The following LMF1 variants were observed in gnomAD, a reference collection of about 807,000 sequenced individuals.
LMF1 encodes transmembrane protein 112.
LMF1 carries 68 observed loss-of-function variants against 60.6 expected under a neutral mutation model. The observed-to-expected ratio is 1.12, with a 90% CI of 0.92 to 1.37. LMF1 has a LOEUF of 1.37. LMF1 is among the 40% of genes most tolerant of loss of function. The pLI is 0.00. For missense variants in LMF1, 948 were observed against 767.2 expected (o/e 1.24, Z -2.78); for synonymous variants, 418 against 324.7 (o/e 1.29, Z -3.09).
In LMF1 at chr16:854,489, G is replaced by A. The variant is rs745324578; in HGVS notation, c.*43C>T. 2.6e-6 allele frequency: 4 copies of A among 1,567,652 alleles called. No homozygotes were observed. The highest frequency in any genetic ancestry group is 2.3e-5 in the South Asian group (2 of 86,548). ...CGCAGGGAAGGGCAAACGTTGCTGA[G>A]CCGCCGAGGGGCTGGGTCTTCGCCT... On this transcript the variant is annotated 3_prime_UTR_variant, in exon 11 of 11. Transcript: ENST00000262301.
At chr16:953,401 C>A (rs366644) in intron 2 of LMF1, among the ~76,000 whole-genome samples, 13 of 26,974 alleles carry the variant, frequency 4.8e-4, no homozygotes, top group African/African-American at 1.5e-3. Context: ...ACACAGACAC[C>A]CACCCCAAAC....
At chr16:869,405 C>G (rs2151698726) in intron 9 of LMF1, 1 of 572,160 alleles carries the variant, frequency 1.7e-6, no homozygotes, top group Non-Finnish European at 3.3e-6. Context: ...TCCATGGGTG[C>G]CTCTGCTACC....
Position 879,657 on chromosome 16 carries a change from G to T in LMF1, c.810C>A (p.Asn270Lys). Residue 270 changes from asparagine (N) to lysine (K), a missense_variant, in exon 6 of 11, where the codon AAC (asparagine) becomes AAA (lysine). Transcript: ENST00000262301. ...WWFHRFETLS[N>K]HFIELLVPFF... ...AGGGCACCAGGAGCTCGATGAAGTG[G>T]TTGCTGAGCGTCTCGAAGCGATGGA... 6.2e-7 allele frequency: 1 copy of T among 1,612,648 alleles called. No individual in the cohort carries two copies. The highest frequency in any genetic ancestry group is 8.5e-7 in the Non-Finnish European group (1 of 1,179,452).
chr16:871,515 A>AAACC, intron 6 of LMF1, 174 bp from the exon 7 acceptor site: 1 of 645,028 alleles, frequency 1.6e-6, no homozygotes, highest in South Asian at 2.0e-5. Flanking sequence ...CATGGAGGGG[A>AAACC]CAGCAGATGC....
chr16:918,836 A>AACCCGACTCTCACGCGGGGCCGGTG (rs1567237661), intron 3 of LMF1, among the ~76,000 whole-genome samples: 42 of 136,244 alleles, frequency 3.1e-4, no homozygotes, highest in African/African-American at 1.0e-3. Flanking sequence ...CGGGGCCGGC[A>AACCCGACTCTCACGCGGGGCCGGTG]TCCCGGGGCG....
intron 2 of LMF1, among the ~76,000 whole-genome samples, chr16:940,879 T>C (rs1006548854): frequency 1.3e-5 from 2 of 152,246 alleles, no homozygotes; most frequent in Admixed American, 1.3e-4. Flanking sequence ...CTTTCAATTA[T>C]TGAAAGAGTG....
chr16:946,778 C>A (rs905636621), intron 2 of LMF1, among the ~76,000 whole-genome samples: 18 of 152,222 alleles, frequency 1.2e-4, no homozygotes, highest in Non-Finnish European at 1.5e-4. Context: ...AGGGACCTCA[C>A]GTGCCCTGGT....
intron 2 of LMF1, among the ~76,000 whole-genome samples, chr16:948,728 T>TCAGAGCCAACGACAGAGTCAGAGAC (rs1376466921): frequency 9.0e-5 from 6 of 66,488 alleles, no homozygotes; most frequent in African/African-American, 2.4e-4. Flanking sequence ...AGTCAGCCAA[T>TCAGAGCCAACGACAGAGTCAGAGAC]GACAGAGTCA....
intron 4 of LMF1, chr16:899,292 C>G (rs2070745453): frequency 6.6e-6 from 1 of 152,254 alleles, no homozygotes; most frequent in African/African-American, 2.4e-5. Flanking sequence ...GGCCAGAGAT[C>G]AGGATGCCAT....
chr16:963,230 G>A (rs902760609), intron 1 of LMF1, among the ~76,000 whole-genome samples: 1 of 152,100 alleles, frequency 6.6e-6, no homozygotes, highest in Non-Finnish European at 1.5e-5. Context: ...TCCACCACTG[G>A]GTGGAAGGGA....
chr16:917,392 C>T (rs9934394), intron 3 of LMF1, among the ~76,000 whole-genome samples: 3 of 133,970 alleles, frequency 2.2e-5, no homozygotes, highest in Admixed American at 7.3e-5. Context: ...GCGCTGCGGG[C>T]GGGCGCAGGC....
chr16:965,015 C>T (rs1597087450), intron 1 of LMF1, among the ~76,000 whole-genome samples: 1 of 152,242 alleles, frequency 6.6e-6, no homozygotes. Flanking sequence ...CCCTAGAGGT[C>T]GGATTTTCAA....
chr16:928,716 G>A (rs1398274589), intron 3 of LMF1, among the ~76,000 whole-genome samples: 3 of 125,030 alleles, frequency 2.4e-5, no homozygotes, highest in Admixed American at 7.9e-5. Flanking sequence ...ACATCCCCAC[G>A]GGCCCACCCC....
chr16:870,364 C>T (rs2069746288), intron 8 of LMF1, among the ~76,000 whole-genome samples: 1 of 152,216 alleles, frequency 6.6e-6, no homozygotes, highest in Non-Finnish European at 1.5e-5. Context: ...GGACAGAGGC[C>T]AAGGGGCTGG....
At chr16:916,070 G>A (rs898961237) in intron 3 of LMF1, among the ~76,000 whole-genome samples, 2 of 152,192 alleles carry the variant, frequency 1.3e-5, no homozygotes, top group African/African-American at 4.8e-5. Flanking sequence ...GGGCCAGTGG[G>A]TTGTGGGCTG....
intron 1 of LMF1, 42 bp downstream of exon 1, chr16:970,746 G>A (rs1250454036): frequency 4.7e-6 from 7 of 1,482,792 alleles, no homozygotes; most frequent in Non-Finnish European, 4.5e-6. Context: ...GTGGTGCGCG[G>A]AGGTGACACT....
rs184334920 is a variant in LMF1 at position 888,959 on chromosome 16, G to A, written c.729+4048C>T. Among the ~76,000 whole-genome samples the A allele has an allele frequency of 3.4e-3, 512 of 152,308 alleles. 5 individuals are homozygous for A. Among genetic ancestry groups the A allele is most frequent in the Middle Eastern group, 0.01 (3 of 294 alleles). On this transcript the variant is annotated intron_variant, in intron 5 of 10. Transcript: ENST00000262301. ...TGCTGCGCTGGCCCTGGGATCCTGG[G>A]GGTCCTCACAACGGTGCTGAGGACA... is the stretch of plus-strand genomic sequence containing the variant.
chr16:969,328 A>T (rs1239744639), intron 1 of LMF1, among the ~76,000 whole-genome samples: 8 of 152,062 alleles, frequency 5.3e-5, no homozygotes, highest in Admixed American at 6.5e-5. Flanking sequence ...AAAAATAAAT[A>T]AATAAAATAA....
At chr16:954,242 T>A in intron 2 of LMF1, 115 bp downstream of exon 2, 1 of 1,117,124 alleles carries the variant, frequency 9.0e-7, no homozygotes. Context: ...AATACCCTCC[T>A]GAAGGAATTT....
Sources: allele counts gnomAD v4.1 joint callset (sites outside exome capture counted in the v4.1 genomes callset), GRCh38; gene constraint gnomAD v4.1.1; transcripts MANE v1.5; gene names NCBI Gene and HGNC (gene_info 2026-07-23, HGNC 2026-07-21).